The following GLIS3 variants were observed in gnomAD, a reference collection of about 807,000 sequenced individuals.
The protein encoded by GLIS3 is zinc finger protein GLIS3.
In GLIS3, 53 loss-of-function variants were observed where a neutral mutation model predicts 78.6. The observed-to-expected ratio is 0.67, with a 90% CI of 0.54 to 0.85. The LOEUF is 0.85. Ranked by LOEUF, GLIS3 falls within the 40% of genes least tolerant of loss-of-function variation. GLIS3 has a pLI of 0.00. For synonymous variants in GLIS3, 684 were observed against 509.9 expected, an observed-to-expected ratio of 1.34 and a Z score of -4.60; for missense variants, 1,703 against 1,231.1, an observed-to-expected ratio of 1.38 and a Z score of -5.74.
chr9:4,248,442 G>A (rs1440117483), intron 2 of GLIS3, among the ~76,000 whole-genome samples: 1 of 152,170 alleles, frequency 6.6e-6, no homozygotes. Flanking sequence ...TGGCTGCATA[G>A]TATTCCATGG....
At chr9:4,371,763 G>A in the GLIS3 span, among the ~76,000 whole-genome samples, 4 of 152,142 alleles carry the variant, frequency 2.6e-5, no homozygotes, top group East Asian at 7.7e-4. Flanking sequence ...TTTAAAGTGG[G>A]TCCCCATCTC....
At chr9:4,482,489 C>A in the GLIS3 span, among the ~76,000 whole-genome samples, 1 of 152,172 alleles carries the variant, frequency 6.6e-6, no homozygotes, top group African/African-American at 2.4e-5. Context: ...ACCCATGGGT[C>A]ACGAAAATCC....
chr9:3,884,674 G>A (rs1821953484), intron 7 of GLIS3, among the ~76,000 whole-genome samples: 1 of 152,160 alleles, frequency 6.6e-6, no homozygotes, highest in African/African-American at 2.4e-5. Flanking sequence ...AATGTGCAAA[G>A]TTCTTTATAA....
the GLIS3 span, among the ~76,000 whole-genome samples, chr9:4,435,800 T>C: frequency 1.3e-5 from 2 of 152,078 alleles, no homozygotes; most frequent in Non-Finnish European, 2.9e-5. Flanking sequence ...ATACAAAAAA[T>C]TAGCCGGGCG....
intron 2 of GLIS3, among the ~76,000 whole-genome samples, chr9:4,234,937 T>C (rs544084050): frequency 2.0e-5 from 3 of 152,238 alleles, no homozygotes; most frequent in East Asian, 1.9e-4. Flanking sequence ...CATCGCCACA[T>C]ACACTCCATG....
rs149295871 is a variant in GLIS3, at chr9:4,317,362, C to T, written n.265-6834G>A. Reference sequence around the variant, plus strand: ...GTACTGATGCCTACCCTAAAGATTCCGATTTAATCACTGTGGGATGCAGCC... The same window carrying T: ...GTACTGATGCCTACCCTAAAGATTCTGATTTAATCACTGTGGGATGCAGCC... On this transcript the variant is annotated intron_variant and non_coding_transcript_variant, in intron 2 of 4. Coordinates refer to the GLIS3 transcript ENST00000471664. 1.1e-3 allele frequency among the ~76,000 whole-genome samples: 172 copies of T among 152,228 alleles called. 5 individuals carry two copies. In the South Asian group the frequency reaches 0.024, roughly 21 times the overall value.
At chr9:4,000,166 G>A (rs1435251914) in intron 4 of GLIS3, among the ~76,000 whole-genome samples, 1 of 152,094 alleles carries the variant, frequency 6.6e-6, no homozygotes, top group Non-Finnish European at 1.5e-5. Context: ...TGATCCATAC[G>A]TAGATTCACA....
At chr9:4,077,877 T>C (rs1400526510) in intron 4 of GLIS3, among the ~76,000 whole-genome samples, 1 of 152,214 alleles carries the variant, frequency 6.6e-6, no homozygotes, top group Non-Finnish European at 1.5e-5. Flanking sequence ...GCTCCATACC[T>C]TCCTCTGAGC....
intron 4 of GLIS3, among the ~76,000 whole-genome samples, chr9:4,042,567 C>T (rs1008723739): frequency 3.3e-5 from 5 of 152,158 alleles, no homozygotes; most frequent in African/African-American, 1.2e-4. Context: ...CTTCTACATC[C>T]ACTGTTCCGA....
chr9:4,217,352 T>TAAAAAAA (rs1820945605), intron 2 of GLIS3, among the ~76,000 whole-genome samples: 3 of 152,210 alleles, frequency 2.0e-5, no homozygotes, highest in African/African-American at 7.2e-5. Context: ...AAAAACTTGT[T>TAAAAAAA]TAGTCTTCAT....
intron 2 of GLIS3, among the ~76,000 whole-genome samples, chr9:4,128,462 A>T (rs1245306062): frequency 6.6e-6 from 1 of 152,264 alleles, no homozygotes; most frequent in Admixed American, 6.5e-5. Flanking sequence ...TGCACATTAC[A>T]TAATAAAGTC....
At chr9:4,403,844 A>C in the GLIS3 span, among the ~76,000 whole-genome samples, 5 of 152,094 alleles carry the variant, frequency 3.3e-5, no homozygotes, top group African/African-American at 1.2e-4. Flanking sequence ...GAAAACAAAG[A>C]ATACAATGGC....
At chr9:4,259,654 A>G (rs1031933605) in intron 2 of GLIS3, among the ~76,000 whole-genome samples, 1 of 152,196 alleles carries the variant, frequency 6.6e-6, no homozygotes, top group Non-Finnish European at 1.5e-5. Flanking sequence ...ATGCAAGAGT[A>G]ACCCAAATAA....
rs2131165707 is a variant in GLIS3 at position 4,179,775 on chromosome 9, T to C, written c.389-53834A>G. On this transcript the variant is annotated intron_variant, in intron 2 of 10. Transcript: ENST00000381971. ...AAATTCAAAAATTAGCCGGGTTTGG[T>C]GGCGCATGCCTGTAATCCCAGCTAC... Among the ~76,000 whole-genome samples the C allele has an allele frequency of 1.3e-5, 2 of 152,080 alleles. 1 individual carries two copies. Among genetic ancestry groups the C allele is most frequent in the South Asian group, 4.2e-4 (2 of 4,802 alleles).
intron 2 of GLIS3, among the ~76,000 whole-genome samples, chr9:4,216,855 C>T (rs566620590): frequency 4.1e-4 from 63 of 152,294 alleles, no homozygotes; most frequent in East Asian, 1.5e-3. Flanking sequence ...AGGAATGTCA[C>T]GTGCATTATG....
chr9:4,069,718 T>C (rs1827425667), intron 4 of GLIS3, among the ~76,000 whole-genome samples: 1 of 152,094 alleles, frequency 6.6e-6, no homozygotes, highest in African/African-American at 2.4e-5. Context: ...TACAGGGAAA[T>C]TAAGCCATTA....
chr9:4,127,538 A>T (rs1832663905), intron 2 of GLIS3, among the ~76,000 whole-genome samples: 1 of 152,202 alleles, frequency 6.6e-6, no homozygotes, highest in South Asian at 2.1e-4. Flanking sequence ...TGACACCAAG[A>T]ATAGTAGGTA....
the GLIS3 span, among the ~76,000 whole-genome samples, chr9:4,453,795 C>T: frequency 6.6e-6 from 1 of 151,286 alleles, no homozygotes; most frequent in Admixed American, 6.6e-5. Context: ...GGGAATTGAA[C>T]AATGAGAACA....
At chr9:3,953,760 GCT>G (rs71507912) in intron 4 of GLIS3, among the ~76,000 whole-genome samples, 159 of 103,342 alleles carry the variant, frequency 1.5e-3, no homozygotes, top group East Asian at 4.1e-3. Flanking sequence ...AATTAGATTT[GCT>G]CTCTCTCTCT....
Sources: gnomAD v4.1 joint callset for allele counts (sites outside exome capture counted in the v4.1 genomes callset) on GRCh38, gnomAD v4.1.1 for gene constraint, MANE v1.5 for transcripts, NCBI Gene and HGNC (gene_info 2026-07-23, HGNC 2026-07-21) for gene names.